Variants in OTUD3 observed in about 807,000 individuals in gnomAD.
The protein encoded by OTUD3 is OTU domain-containing protein 3.
OTUD3 carries 24 observed loss-of-function variants against 46.2 expected under a neutral mutation model. The ratio of observed to expected loss-of-function variants is 0.52; its 90% confidence interval spans 0.38 to 0.73. The LOEUF (loss-of-function observed/expected upper bound fraction) is 0.73. OTUD3 is among the 30% of genes least tolerant of loss of function. The pLI is 0.00. For missense variants in OTUD3, 455 were observed against 523.3 expected (o/e 0.87, Z 1.27); for synonymous variants, 189 against 195.4 (o/e 0.97, Z 0.27).
At chr1:19,892,952 C>T (rs1571167121) in intron 2 of OTUD3, among the ~76,000 whole-genome samples, 1 of 152,112 alleles carries the variant, frequency 6.6e-6, no homozygotes, top group African/African-American at 2.4e-5. Context: ...AACATTTTCT[C>T]ACTTCCTCCA....
chr1:19,903,359 CT>C (rs1430648745), intron 4 of OTUD3, among the ~76,000 whole-genome samples: 1 of 152,026 alleles, frequency 6.6e-6, no homozygotes, highest in Non-Finnish European at 1.5e-5. Flanking sequence ...GCCCATAAAT[CT>C]TTTCTCTATT....
chr1:19,886,489 G>T (rs1489828097), intron 1 of OTUD3, among the ~76,000 whole-genome samples: 1 of 152,140 alleles, frequency 6.6e-6, no homozygotes, highest in African/African-American at 2.4e-5. Context: ...TCACTCAGTG[G>T]TTTTCAGTTG....
Position 19,890,494 on chromosome 1 carries a change from G to A in OTUD3, c.331G>A (p.Glu111Lys). Residue 111 changes from glutamate (E) to lysine (K), a missense_variant, in exon 2 of 8, where the codon GAA becomes AAA. Transcript: ENST00000375120. ...CATGATAAAGCAGCGGGAAGATTTTGAACCCTTTGTAGAAGATGACATTCC... is the reference window on the plus strand; with the variant it reads ...CATGATAAAGCAGCGGGAAGATTTTAAACCCTTTGTAGAAGATGACATTCC... ...DYMIKQREDFEPFVEDDIPFE... is the reference protein window; with the variant it reads ...DYMIKQREDFKPFVEDDIPFE... 1 of 1,613,948 alleles carries A rather than the reference G, an allele frequency of 6.2e-7. No individual in the cohort carries two copies. The highest frequency in any genetic ancestry group is 1.7e-5 in the Admixed American group (1 of 60,022).
intron 1 of OTUD3, among the ~76,000 whole-genome samples, chr1:19,885,465 C>G (rs189359178): frequency 1.3e-5 from 2 of 152,074 alleles, no homozygotes; most frequent in Non-Finnish European, 1.5e-5. Flanking sequence ...GATTCTTCTA[C>G]CCCCCTCAGA....
intron 1 of OTUD3, among the ~76,000 whole-genome samples, chr1:19,884,263 T>C (rs970219357): frequency 6.6e-6 from 1 of 152,150 alleles, no homozygotes; most frequent in African/African-American, 2.4e-5. Context: ...CCCAGGAAAC[T>C]GAAGTACTCA....
chr1:19,894,570 A>G (rs2100276854), intron 3 of OTUD3, 90 bp downstream of exon 3: 11 of 761,278 alleles, frequency 1.4e-5, no homozygotes, highest in East Asian at 2.6e-5. Flanking sequence ...ACCTGTGAAC[A>G]TTGAATTATG....
At chr1:19,905,531 A>C (rs2045648267) in intron 6 of OTUD3, among the ~76,000 whole-genome samples, 1 of 151,984 alleles carries the variant, frequency 6.6e-6, no homozygotes. Context: ...TCACGAGGTC[A>C]GGAGTTTGAG....
intron 1 of OTUD3, among the ~76,000 whole-genome samples, chr1:19,887,065 A>ATTTTCT (rs1466859077): frequency 6.9e-6 from 1 of 145,728 alleles, no homozygotes; most frequent in Non-Finnish European, 1.5e-5. Context: ...GATCTCTCAT[A>ATTTTCT]TTTTCTTTTT....
intron 3 of OTUD3, 32 bp from the exon 4 acceptor site, chr1:19,897,508 C>T (rs747474043): frequency 1.2e-6 from 2 of 1,611,760 alleles, no homozygotes; most frequent in Non-Finnish European, 1.7e-6. Flanking sequence ...TGTTCAGATC[C>T]TCACTGGCAT....
rs61769080 is a variant in OTUD3, at chr1:19,911,880, G to A, written c.*4134G>A. 5,700 of 152,354 alleles carry A rather than the reference G, an allele frequency of 0.037. 153 individuals carry two copies. The highest frequency in any genetic ancestry group is 0.078 in the Middle Eastern group (23 of 294). The allele number at this position is 152,354 out of a possible 1,614,324, so 9.4% of individuals were successfully genotyped here. On this transcript the variant is annotated 3_prime_UTR_variant, in exon 8 of 8. Transcript: ENST00000375120. ...GCTGATGGGGACCTCCGGAAAGAGCGGTGCCTTGTGGTTGGCCTGGAAGTT... is the reference window on the plus strand; with the variant it reads ...GCTGATGGGGACCTCCGGAAAGAGCAGTGCCTTGTGGTTGGCCTGGAAGTT...
chr1:19,895,867 G>A (rs56170242), intron 3 of OTUD3, among the ~76,000 whole-genome samples: 16,574 of 152,076 alleles, frequency 0.11, 1,042 homozygotes, highest in Admixed American at 0.15. Flanking sequence ...ACCTTGAAGG[G>A]GAATACTCAC....
intron 3 of OTUD3, among the ~76,000 whole-genome samples, chr1:19,895,415 GCT>G (rs2045505645): frequency 6.6e-6 from 1 of 152,092 alleles, no homozygotes; most frequent in African/African-American, 2.4e-5. Context: ...TTACTTCCAG[GCT>G]CTTTGTACTT....
chr1:19,883,984 G>A (rs575166269), intron 1 of OTUD3, among the ~76,000 whole-genome samples: 20 of 152,298 alleles, frequency 1.3e-4, no homozygotes, highest in African/African-American at 4.3e-4. Context: ...TTTTGCTTAA[G>A]ATGCAGTTGG....
At chr1:19,895,971 C>T (rs952541835) in intron 3 of OTUD3, among the ~76,000 whole-genome samples, 1 of 152,132 alleles carries the variant, frequency 6.6e-6, no homozygotes, top group Non-Finnish European at 1.5e-5. Flanking sequence ...GACATTTCTG[C>T]ATAGGTAAAT....
At chr1:19,895,608 T>C (rs146806731) in intron 3 of OTUD3, among the ~76,000 whole-genome samples, 37 of 152,214 alleles carry the variant, frequency 2.4e-4, no homozygotes, top group East Asian at 7.7e-4. Context: ...TGGTGAGAAA[T>C]TTTACCTTAT....
At chr1:19,895,492 T>C (rs981106957) in intron 3 of OTUD3, among the ~76,000 whole-genome samples, 5 of 152,256 alleles carry the variant, frequency 3.3e-5, no homozygotes, top group Non-Finnish European at 1.5e-5. Context: ...TTTGTCCTTA[T>C]AGTTTTGCCT....
chr1:19,882,619 G>T lies in OTUD3; in HGVS notation c.106G>T (p.Glu36Ter). The T allele has an allele frequency of 6.9e-7, 1 of 1,458,528 alleles. No homozygotes were observed. The allele number at this position is 1,458,528 out of a possible 1,614,324, so 90.3% of individuals were successfully genotyped here. A position where few individuals can be genotyped will look rare whatever the true frequency, so the allele number is the denominator to read the frequency against. The change falls in exon 1 of 8, where the codon GAG (glutamate) becomes TAG (stop). Residue 36 changes from glutamate to a stop codon, truncating the protein, a stop_gained. Coordinates refer to ENST00000375120, the MANE Select transcript of OTUD3 (RefSeq NM_015207.2). LOFTEE classifies it high-confidence loss of function. ...ERAARRALAKERRNRPESGGG... is the reference protein window; with the variant it reads ...ERAARRALAK ...GGCGGCGCGCCGGGCCCTGGCCAAGGAGCGGCGGAATCGGCCGGAGTCTGG... is the reference window on the plus strand; with the variant it reads ...GGCGGCGCGCCGGGCCCTGGCCAAGTAGCGGCGGAATCGGCCGGAGTCTGG...
intron 1 of OTUD3, among the ~76,000 whole-genome samples, chr1:19,890,085 A>G (rs1250234597): frequency 6.6e-6 from 1 of 152,216 alleles, no homozygotes; most frequent in Non-Finnish European, 1.5e-5. Context: ...TGGTTAGTGT[A>G]TCACCGGCTC....
rs1184523761 is a variant in OTUD3 at position 19,908,220 on chromosome 1, C to G, written c.*474C>G. The G allele has an allele frequency of 6.6e-6, 1 of 152,550 alleles. No homozygotes were observed. Among genetic ancestry groups the G allele is most frequent in the Non-Finnish European group, 1.5e-5 (1 of 68,122 alleles). The allele number at this position is 152,550 out of a possible 1,614,324, so 9.4% of individuals were successfully genotyped here. On this transcript the variant is annotated 3_prime_UTR_variant, in exon 8 of 8. Coordinates refer to ENST00000375120, the MANE Select transcript of OTUD3 (RefSeq NM_015207.2). ...ATATATAGGGTAGCTTATAAATGAT[C>G]TCCAACTCAGGAATATGCTTTGATT...
Sources: gnomAD v4.1 joint callset for allele counts (sites outside exome capture counted in the v4.1 genomes callset) on GRCh38, gnomAD v4.1.1 for gene constraint, MANE v1.5 for transcripts, NCBI Gene and HGNC (gene_info 2026-07-23, HGNC 2026-07-21) for gene names.